XKR4: variants seen among roughly 807,000 people sequenced by gnomAD.
XKR4 encodes XK related 4.
Under a neutral mutation model 53.9 loss-of-function variants are expected in XKR4, and 12 were observed. That is an observed-to-expected ratio of 0.22 (90% CI 0.14 to 0.36). The LOEUF is 0.36. Among genes scored for constraint, XKR4 ranks in the 10% least tolerant of loss-of-function variants. The probability of loss-of-function intolerance (pLI) is 1.00; values close to 1 mark genes in which losing one functional copy is unlikely to be tolerated. For synonymous variants in XKR4, 354 were observed against 362.4 expected, an observed-to-expected ratio of 0.98 and a Z score of 0.26; for missense variants, 799 against 859.5, an observed-to-expected ratio of 0.93 and a Z score of 0.88.
intron 2 of XKR4, among the ~76,000 whole-genome samples, chr8:55,522,729 G>T (rs1450967335): frequency 6.6e-6 from 1 of 152,138 alleles, no homozygotes; most frequent in African/African-American, 2.4e-5. Flanking sequence ...ACCCAGTTCT[G>T]ACAGCCTCCG....
At chr8:55,161,602 G>A (rs1276268773) in intron 1 of XKR4, 1 of 456,314 alleles carries the variant, frequency 2.2e-6, no homozygotes, top group South Asian at 1.5e-5. Context: ...GTTAGATGTG[G>A]ACGAATAGTA....
intron 2 of XKR4, among the ~76,000 whole-genome samples, chr8:55,511,591 G>A (rs1028491841): frequency 3.9e-5 from 6 of 152,318 alleles, no homozygotes; most frequent in African/African-American, 1.4e-4. Flanking sequence ...GAGGAAGGAA[G>A]CCACTAAAAC....
chr8:55,263,441 C>T (rs1818556177), intron 1 of XKR4, among the ~76,000 whole-genome samples: 1 of 152,156 alleles, frequency 6.6e-6, no homozygotes, highest in Non-Finnish European at 1.5e-5. Flanking sequence ...CTGCACTTTT[C>T]CTTAGGGTCA....
intron 1 of XKR4, among the ~76,000 whole-genome samples, chr8:55,164,971 C>G (rs557553081): frequency 9.2e-5 from 14 of 152,230 alleles, no homozygotes; most frequent in African/African-American, 3.4e-4. Context: ...TGAATTCACT[C>G]GGAGGCAAGG....
chr8:55,515,361 T>C (rs1164339148), intron 2 of XKR4, among the ~76,000 whole-genome samples: 2 of 152,178 alleles, frequency 1.3e-5, no homozygotes, highest in African/African-American at 4.8e-5. Context: ...TTCCTTCCCT[T>C]CACTGCACTC....
At chr8:55,201,849 A>G (rs1315844456) in intron 1 of XKR4, among the ~76,000 whole-genome samples, 1 of 152,196 alleles carries the variant, frequency 6.6e-6, no homozygotes, top group African/African-American at 2.4e-5. Flanking sequence ...TTTATAGGAA[A>G]GGATGGTTTC....
chr8:55,144,171 A>G (rs1816741045), intron 1 of XKR4, among the ~76,000 whole-genome samples: 2 of 152,280 alleles, frequency 1.3e-5, no homozygotes, highest in African/African-American at 4.8e-5. Context: ...TCTTCTTGTC[A>G]ATATTATTTA....
chr8:55,449,925 A>G, intron 2 of XKR4: 1 of 872,256 alleles, frequency 1.1e-6, no homozygotes, highest in Non-Finnish European at 1.9e-6. Flanking sequence ...TCGAGCCTCT[A>G]TTCTGGTCAC....
chr8:55,366,118 T>C (rs1803981992), intron 2 of XKR4, among the ~76,000 whole-genome samples: 1 of 152,184 alleles, frequency 6.6e-6, no homozygotes, highest in Non-Finnish European at 1.5e-5. Context: ...AATAGGATGC[T>C]GATATGCAGA....
At chr8:55,239,084 T>C (rs1216326388) in intron 1 of XKR4, among the ~76,000 whole-genome samples, 1 of 152,204 alleles carries the variant, frequency 6.6e-6, no homozygotes, top group African/African-American at 2.4e-5. Flanking sequence ...TTAACCCATA[T>C]AAAAAACTGT....
rs964433118 is a variant in XKR4 at position 55,222,171 on chromosome 8, A to G, written c.806+118877A>G. ...GCATGTGTAGTCTCTGTCTTCTCAG[A>G]TGTTTTCTTAGATCATGTTTTTCAA... On this transcript the variant is annotated intron_variant, in intron 1 of 2. Transcript: ENST00000327381. Among the ~76,000 whole-genome samples, 7 of 151,956 alleles carry G rather than the reference A, an allele frequency of 4.6e-5. No individual in the cohort carries two copies. In the South Asian group the frequency reaches 1.5e-3, roughly 32 times the overall value.
intron 1 of XKR4, among the ~76,000 whole-genome samples, chr8:55,351,346 T>C (rs1052583800): frequency 1.2e-4 from 19 of 152,200 alleles, no homozygotes; most frequent in Non-Finnish European, 5.9e-5. Context: ...ACTGGTTGTT[T>C]TATTCTATTG....
chr8:55,182,629 A>C (rs7836652), intron 1 of XKR4, among the ~76,000 whole-genome samples: 14,534 of 152,092 alleles, frequency 0.096, 1,912 homozygotes, highest in African/African-American at 0.29. Flanking sequence ...TATTTTTGGG[A>C]TCTCTGTTCT....
intron 1 of XKR4, among the ~76,000 whole-genome samples, chr8:55,244,899 T>C (rs961105981): frequency 8.6e-4 from 9 of 10,410 alleles, no homozygotes; most frequent in Non-Finnish European, 7.3e-3. Flanking sequence ...TTGCCAACAT[T>C]TTTTTTTTTT....
chr8:55,236,506 G>C (rs1049053574), intron 1 of XKR4, among the ~76,000 whole-genome samples: 1 of 152,150 alleles, frequency 6.6e-6, no homozygotes, highest in Non-Finnish European at 1.5e-5. Flanking sequence ...CAGTCAAGAG[G>C]CTGGCCCACA....
chr8:55,414,033 C>T (rs1804810805), intron 2 of XKR4, among the ~76,000 whole-genome samples: 1 of 152,130 alleles, frequency 6.6e-6, no homozygotes, highest in East Asian at 1.9e-4. Flanking sequence ...AATTTATGAT[C>T]ACATGTTATA....
intron 2 of XKR4, among the ~76,000 whole-genome samples, chr8:55,411,684 C>T (rs1221789907): frequency 6.6e-6 from 1 of 152,190 alleles, no homozygotes; most frequent in Non-Finnish European, 1.5e-5. Flanking sequence ...TTCTCCTCCC[C>T]TCCCCTGACA....
chr8:55,423,468 G>A (rs943027202), intron 2 of XKR4, among the ~76,000 whole-genome samples: 21 of 152,204 alleles, frequency 1.4e-4, no homozygotes, highest in Admixed American at 1.4e-3. Context: ...CAATAAAAAC[G>A]TGGCCCCTGC....
At chr8:55,304,232 A>G (rs1448825321) in intron 1 of XKR4, among the ~76,000 whole-genome samples, 6 of 152,120 alleles carry the variant, frequency 3.9e-5, no homozygotes, top group Non-Finnish European at 1.5e-5. Context: ...GAACATCGTT[A>G]TTTCTGCCTT....
Sources: gnomAD v4.1 joint callset for allele counts (sites outside exome capture counted in the v4.1 genomes callset) on GRCh38, gnomAD v4.1.1 for gene constraint, MANE v1.5 for transcripts, NCBI Gene and HGNC (gene_info 2026-07-23, HGNC 2026-07-21) for gene names.